Variants in PDGFD observed in about 807,000 individuals in gnomAD.
PDGFD encodes platelet-derived growth factor D.
In PDGFD, 30 loss-of-function variants were observed where a neutral mutation model predicts 44.7. The ratio of observed to expected loss-of-function variants is 0.67; its 90% CI spans 0.50 to 0.91. PDGFD has a LOEUF of 0.91. PDGFD is among the 40% of genes least tolerant of loss of function. The pLI is 0.00. For synonymous variants in PDGFD, 173 were observed against 168.4 expected (o/e 1.03, Z -0.21); for missense variants, 445 against 457.8 (o/e 0.97, Z 0.25).
chr11:103,945,690 G>A (rs1336495364), intron 4 of PDGFD: 1 of 152,228 alleles, frequency 6.6e-6, no homozygotes, highest in African/African-American at 2.4e-5. Flanking sequence ...GTGGCTGCAT[G>A]GAGTTCTCCA....
At chr11:103,931,829 C>G (rs900425304) in intron 5 of PDGFD, among the ~76,000 whole-genome samples, 4 of 152,250 alleles carry the variant, frequency 2.6e-5, no homozygotes, top group South Asian at 2.1e-4. Flanking sequence ...CAAGGTCTAG[C>G]CTTTATAATG....
intron 1 of PDGFD, among the ~76,000 whole-genome samples, chr11:104,050,162 C>T (rs144679804): frequency 2.4e-4 from 36 of 152,168 alleles, no homozygotes; most frequent in Admixed American, 2.2e-3. Context: ...CAGTTCTTGT[C>T]TATGAGGGAG....
chr11:104,037,036 G>C lies in PDGFD; in HGVS notation c.125-36781C>G, dbSNP rs770274476. ...CTACGGCCTCAAAGATGGCGATATCGTGGTTTTACTGCAGAAGGACAATGT... is the reference window on the plus strand; with the variant it reads ...CTACGGCCTCAAAGATGGCGATATCCTGGTTTTACTGCAGAAGGACAATGT... On this transcript the variant is annotated intron_variant, in intron 1 of 6. Coordinates refer to ENST00000393158, the MANE Select transcript of PDGFD (RefSeq NM_025208.5). The C allele has an allele frequency of 5.6e-6, 9 of 1,614,256 alleles. No homozygotes were observed. Among genetic ancestry groups the C allele is most frequent in the Non-Finnish European group, 6.8e-6 (8 of 1,180,052 alleles).
At chr11:104,055,814 T>C (rs1347925950) in intron 1 of PDGFD, among the ~76,000 whole-genome samples, 1 of 152,158 alleles carries the variant, frequency 6.6e-6, no homozygotes, top group Non-Finnish European at 1.5e-5. Context: ...ACCGTTGCCA[T>C]AGAAATGGTA....
intron 1 of PDGFD, among the ~76,000 whole-genome samples, chr11:104,114,319 G>A (rs1347520792): frequency 6.7e-6 from 1 of 149,640 alleles, no homozygotes; most frequent in Non-Finnish European, 1.5e-5. Flanking sequence ...GCATGTGGAT[G>A]CCTACTTGTT....
intron 3 of PDGFD, among the ~76,000 whole-genome samples, chr11:103,979,973 T>C (rs1315889633): frequency 6.6e-6 from 1 of 152,132 alleles, no homozygotes; most frequent in Non-Finnish European, 1.5e-5. Context: ...TTTATAACAC[T>C]GATTTTCCTT....
At chr11:104,150,367 C>T (rs934420466) in intron 1 of PDGFD, among the ~76,000 whole-genome samples, 1 of 152,132 alleles carries the variant, frequency 6.6e-6, no homozygotes, top group African/African-American at 2.4e-5. Flanking sequence ...GATTTAAATG[C>T]ACCATTAAAC....
chr11:104,092,260 G>T (rs1861222046), intron 1 of PDGFD, among the ~76,000 whole-genome samples: 1 of 152,070 alleles, frequency 6.6e-6, no homozygotes, highest in Non-Finnish European at 1.5e-5. Context: ...GCCTAAATTG[G>T]CTTATGATTA....
chr11:104,112,016 A>G (rs1861565857), intron 1 of PDGFD, among the ~76,000 whole-genome samples: 1 of 152,186 alleles, frequency 6.6e-6, no homozygotes, highest in South Asian at 2.1e-4. Flanking sequence ...ATAAGAACGT[A>G]AAACCAATGT....
intron 1 of PDGFD, chr11:104,038,026 A>G: frequency 6.2e-7 from 1 of 1,602,406 alleles, no homozygotes; most frequent in Non-Finnish European, 8.5e-7. Context: ...CACGTTATAA[A>G]TATGTTACCA....
chr11:104,088,982 G>T (rs531015438), intron 1 of PDGFD, among the ~76,000 whole-genome samples: 5 of 152,148 alleles, frequency 3.3e-5, no homozygotes, highest in Admixed American at 1.3e-4. Context: ...GAATTATACT[G>T]CTTTCACCTT....
chr11:104,141,571 A>C (rs1862086319), intron 1 of PDGFD, among the ~76,000 whole-genome samples: 1 of 152,070 alleles, frequency 6.6e-6, no homozygotes, highest in Non-Finnish European at 1.5e-5. Context: ...AGTATCTGAG[A>C]CCACAGGCAC....
chr11:104,064,874 G>T (rs749890905), intron 1 of PDGFD, among the ~76,000 whole-genome samples: 2 of 152,184 alleles, frequency 1.3e-5, no homozygotes, highest in Non-Finnish European at 2.9e-5. Context: ...TACTGTGATG[G>T]TTAATATTGA....
intron 6 of PDGFD, among the ~76,000 whole-genome samples, chr11:103,926,344 TCTTTTA>T (rs1858314670): frequency 6.6e-6 from 1 of 152,218 alleles, no homozygotes; most frequent in African/African-American, 2.4e-5. Flanking sequence ...CCTCCTATAT[TCTTTTA>T]CTTTTGTCTA....
chr11:103,913,569 C>A (rs927838691), intron 6 of PDGFD, among the ~76,000 whole-genome samples: 2 of 152,114 alleles, frequency 1.3e-5, no homozygotes, highest in South Asian at 4.1e-4. Flanking sequence ...AAAATAGACA[C>A]CTTAACATCA....
intron 1 of PDGFD, among the ~76,000 whole-genome samples, chr11:104,110,091 AT>A (rs1272620671): frequency 6.6e-6 from 1 of 152,196 alleles, no homozygotes; most frequent in African/African-American, 2.4e-5. Flanking sequence ...CCAAGATAAG[AT>A]GATTCACTTA....
At chr11:104,061,317 C>A (rs1266677035) in intron 1 of PDGFD, among the ~76,000 whole-genome samples, 6 of 151,982 alleles carry the variant, frequency 3.9e-5, no homozygotes, top group African/African-American at 1.5e-4. Flanking sequence ...AATGTCTGTT[C>A]TTTAAAAGAC....
chr11:104,098,764 C>G (rs1343074221), intron 1 of PDGFD, among the ~76,000 whole-genome samples: 1 of 152,136 alleles, frequency 6.6e-6, no homozygotes, highest in African/African-American at 2.4e-5. Flanking sequence ...GATATTACCA[C>G]CTCGGTCTCC....
At chr11:104,100,506 T>G (rs191335557) in intron 1 of PDGFD, among the ~76,000 whole-genome samples, 13 of 152,182 alleles carry the variant, frequency 8.5e-5, no homozygotes, top group African/African-American at 3.1e-4. Flanking sequence ...CAGGACCAGA[T>G]GGATTCACAG....
Sources: allele counts gnomAD v4.1 joint callset (sites outside exome capture counted in the v4.1 genomes callset), GRCh38; gene constraint gnomAD v4.1.1; transcripts MANE v1.5; gene names NCBI Gene and HGNC (gene_info 2026-07-23, HGNC 2026-07-21).